Variants in TAF4 observed in about 807,000 individuals in gnomAD.
TAF4 encodes transcription initiation factor TFIID subunit 4.
TAF4 carries 9 observed loss-of-function variants against 90.3 expected under a neutral mutation model. The ratio of observed to expected loss-of-function variants is 0.10; its 90% CI spans 0.06 to 0.17. TAF4 has a LOEUF of 0.17. Ranked by LOEUF, TAF4 falls within the 10% of genes least tolerant of loss-of-function variation. The pLI, the probability that TAF4 is intolerant of heterozygous loss-of-function variation, is 1.00. For missense variants in TAF4, 1,351 were observed against 1,370.7 expected, an observed-to-expected ratio of 0.99 and a Z score of 0.23; for synonymous variants, 818 against 638.9, an observed-to-expected ratio of 1.28 and a Z score of -4.23.
At chr20:61,987,335 C>T (rs11906510) in intron 14 of TAF4, among the ~76,000 whole-genome samples, 3,634 of 152,032 alleles carry the variant, frequency 0.024, 63 homozygotes, top group Middle Eastern at 0.058. Flanking sequence ...GCCGAGGAGC[C>T]GCGAGGGTCC....
Position 61,976,276 on chromosome 20 carries a change from G to T in TAF4, c.3150C>A (p.Phe1050Leu). ...GSSGVGTPRQ[F>L]TRQRITRVNL... Reference sequence around the variant, plus strand: ...TGACCCGCGTGATTCTTTGTCGCGTGAACTGTCTGGGGGTTCCGACACCCG... The same window carrying T: ...TGACCCGCGTGATTCTTTGTCGCGTTAACTGTCTGGGGGTTCCGACACCCG... Residue 1050 changes from phenylalanine to leucine, a missense_variant, in exon 15 of 15, where the codon TTC becomes TTA. By Grantham distance (22) the Phe-to-Leu change is conservative (BLOSUM62 0). Around this residue, in one of 9 missense-constraint regions of TAF4, gnomAD observed 48 missense variants for 50.6 expected, o/e 0.95. Coordinates refer to ENST00000252996, the MANE Select transcript of TAF4 (RefSeq NM_003185.4). The T allele has an allele frequency of 6.2e-7, 1 of 1,613,998 alleles. No individual in the cohort carries two copies. Among genetic ancestry groups the T allele is most frequent in the Non-Finnish European group, 8.5e-7 (1 of 1,180,046 alleles).
chr20:62,033,474 C>T lies in TAF4; in HGVS notation c.1361-18767G>A, dbSNP rs1381485314. Among the ~76,000 whole-genome samples, 5 of 152,168 alleles carry T rather than the reference C, an allele frequency of 3.3e-5. No individual in the cohort carries two copies. In the South Asian group the frequency reaches 6.2e-4, roughly 19 times the overall value. ...AGTGGGAGCTGGGCAGGGTAGCTCACGCCAGTAATCCCAGCACTTTGGGAG... is the reference window on the plus strand; with the variant it reads ...AGTGGGAGCTGGGCAGGGTAGCTCATGCCAGTAATCCCAGCACTTTGGGAG... On this transcript the variant is annotated intron_variant, in intron 1 of 14. Coordinates refer to ENST00000252996, the MANE Select transcript of TAF4 (RefSeq NM_003185.4).
chr20:62,013,903 G>A (rs890818272), intron 2 of TAF4, among the ~76,000 whole-genome samples: 9 of 131,232 alleles, frequency 6.9e-5, no homozygotes, highest in South Asian at 2.8e-4. Context: ...GAAGGCTGAC[G>A]CGGGTGTGTG....
intron 1 of TAF4, among the ~76,000 whole-genome samples, chr20:62,051,603 C>T (rs947954084): frequency 6.6e-6 from 1 of 152,088 alleles, no homozygotes; most frequent in Non-Finnish European, 1.5e-5. Flanking sequence ...TTCCCACCAC[C>T]AAGAGCCCTG....
chr20:62,021,103 G>A (rs2055840430), intron 1 of TAF4, among the ~76,000 whole-genome samples: 1 of 152,130 alleles, frequency 6.6e-6, no homozygotes, highest in African/African-American at 2.4e-5. Flanking sequence ...GAGATGGCCA[G>A]CACCTTCGAA....
intron 5 of TAF4, 119 bp from the exon 6 acceptor site, chr20:62,007,755 G>A: frequency 2.1e-6 from 2 of 940,406 alleles, no homozygotes; most frequent in Non-Finnish European, 3.2e-6. Flanking sequence ...TCACTGGACA[G>A]AGGAGATGGG....
At chr20:61,997,182 G>A (rs1204616094) in intron 14 of TAF4, among the ~76,000 whole-genome samples, 1 of 152,112 alleles carries the variant, frequency 6.6e-6, no homozygotes, top group African/African-American at 2.4e-5. Context: ...TTCATTCCAC[G>A]AACTGTCCAT....
At chr20:62,005,828 C>G (rs535407072) in intron 7 of TAF4, 2 of 152,306 alleles carry the variant, frequency 1.3e-5, no homozygotes, top group East Asian at 1.9e-4. Flanking sequence ...TGAGGGAGCC[C>G]GCACCATTTT....
intron 14 of TAF4, among the ~76,000 whole-genome samples, chr20:61,995,108 C>T (rs1049990780): frequency 6.6e-6 from 1 of 152,170 alleles, no homozygotes; most frequent in African/African-American, 2.4e-5. Context: ...ACTCAACCGC[C>T]TGCAAGAATC....
At chr20:61,980,469 T>C (rs1297979725) in intron 14 of TAF4, 1 of 152,346 alleles carries the variant, frequency 6.6e-6, no homozygotes, top group Non-Finnish European at 1.5e-5. Flanking sequence ...CAATAGCCTA[T>C]GCCGCACACA....
chr20:62,033,662 G>A (rs755026879), intron 1 of TAF4, among the ~76,000 whole-genome samples: 7 of 151,972 alleles, frequency 4.6e-5, no homozygotes, highest in Non-Finnish European at 7.4e-5. Context: ...GCTTGAACCC[G>A]GGAGGCAGAG....
Position 62,064,848 on chromosome 20 carries a change from G to T in TAF4, c.963C>A (p.Gly321=). 1.0e-6 allele frequency: 1 copy of T among 954,968 alleles called. No individual in the cohort carries two copies. The highest frequency in any genetic ancestry group is 1.2e-6 in the Non-Finnish European group (1 of 808,566). The allele number at this position is 954,968 out of a possible 1,614,324, so 59.2% of individuals were successfully genotyped here. The change falls in exon 1 of 15, where the codon GGC becomes GGA. Residue 321 remains glycine, a synonymous_variant. Transcript: ENST00000252996. ...AAPAPAPAAG[G]PAGVSGQPGP... ...CGGGTTGGCCGCTGACCCCCGCGGG[G>T]CCCCCGGCGGCCGGGGCGGGGGCGG...
intron 1 of TAF4, among the ~76,000 whole-genome samples, chr20:62,017,641 C>T (rs977629578): frequency 7.9e-5 from 12 of 151,886 alleles, no homozygotes; most frequent in African/African-American, 2.2e-4. Flanking sequence ...AGCGAGACTC[C>T]GTCTCAAAAA....
intron 14 of TAF4, chr20:61,978,946 C>T (rs2055516447): frequency 6.5e-6 from 1 of 153,280 alleles, no homozygotes; most frequent in Non-Finnish European, 1.5e-5. Flanking sequence ...CCTGATACTC[C>T]AATTGCCTTT....
chr20:62,040,261 C>T (rs1327380543), intron 1 of TAF4, among the ~76,000 whole-genome samples: 4 of 152,256 alleles, frequency 2.6e-5, no homozygotes, highest in Non-Finnish European at 5.9e-5. Context: ...GCGGTCCAGC[C>T]GCACACCAGG....
rs1020118248 is a variant in TAF4, at chr20:62,064,336, G to A, written c.1360+115C>T. On this transcript the variant is annotated intron_variant, in intron 1 of 14. Transcript: ENST00000252996. ...AGAGACTGCCCCTCGGCCTGCTCCA[G>A]CCACGGGCCTACGGGACAGATGACC... is the stretch of plus-strand genomic sequence containing the variant. The A allele has an allele frequency of 2.8e-5, 33 of 1,192,146 alleles. 1 individual carries two copies. The highest frequency in any genetic ancestry group is 3.5e-5 in the Non-Finnish European group (33 of 942,968). 73.8% of individuals were successfully genotyped at this position (1,192,146 alleles called of 1,614,324 possible).
chr20:61,979,778 C>CCA (rs1331425704), intron 14 of TAF4, among the ~76,000 whole-genome samples: 1 of 148,572 alleles, frequency 6.7e-6, no homozygotes, highest in African/African-American at 2.5e-5. Flanking sequence ...CGTGGCCACT[C>CCA]CAGAGGGACT....
chr20:62,004,225 G>A (rs569458783), intron 7 of TAF4, among the ~76,000 whole-genome samples: 1 of 152,310 alleles, frequency 6.6e-6, no homozygotes, highest in South Asian at 2.1e-4. Context: ...CCAGGATGGA[G>A]CAGACCACTG....
chr20:62,047,866 G>A (rs905374903), intron 1 of TAF4, among the ~76,000 whole-genome samples: 2 of 152,194 alleles, frequency 1.3e-5, no homozygotes, highest in African/African-American at 4.8e-5. Flanking sequence ...GGAAGCCGCA[G>A]GTCTATTTTT....
Sources: allele counts gnomAD v4.1 joint callset (sites outside exome capture counted in the v4.1 genomes callset), GRCh38; gene constraint gnomAD v4.1.1; regional missense constraint gnomAD v4.1.1; transcripts MANE v1.5; gene names NCBI Gene and HGNC (gene_info 2026-07-23, HGNC 2026-07-21).